The following KDM6A variants were observed in gnomAD, a reference collection of about 807,000 sequenced individuals.
KDM6A encodes the protein lysine-specific demethylase 6A.
KDM6A carries 11 observed loss-of-function variants against 117.6 expected under a neutral mutation model. That is an observed-to-expected ratio of 0.09 (90% CI 0.06 to 0.15). The LOEUF is 0.15. Ranked by LOEUF, KDM6A falls within the 10% of genes least tolerant of loss-of-function variation. The probability of loss-of-function intolerance (pLI) is 1.00; values close to 1 mark genes in which losing one functional copy is unlikely to be tolerated. For missense variants in KDM6A, 799 were observed against 1,077.3 expected, an observed-to-expected ratio of 0.74 and a Z score of 3.62; for synonymous variants, 384 against 396.1, an observed-to-expected ratio of 0.97 and a Z score of 0.36.
chrX:44,898,398 G>A (rs1421971004), intron 2 of KDM6A, among the ~76,000 whole-genome samples: 2 of 111,761 alleles, frequency 1.8e-5, no homozygotes, highest in Admixed American at 1.9e-4. Context: ...TGATACCAGG[G>A]GTTGGGGCAG....
At chrX:45,005,885 C>T (rs549379293) in intron 4 of KDM6A, among the ~76,000 whole-genome samples, 9 of 105,874 alleles carry the variant, frequency 8.5e-5, no homozygotes, top group African/African-American at 2.4e-4. Flanking sequence ...AAGTTCAGTC[C>T]CCTCCAATGG....
At chrX:45,003,775 C>T (rs899699416) in intron 4 of KDM6A, among the ~76,000 whole-genome samples, 4 of 108,803 alleles carry the variant, frequency 3.7e-5, no homozygotes, top group Admixed American at 9.8e-5. Context: ...CTTCCTCTCT[C>T]TGTCTCTCTT....
In KDM6A at chrX:44,873,475, G is replaced by A. The variant is rs2146439270; in HGVS notation, c.-77G>A. On this transcript the variant is annotated 5_prime_UTR_variant, in exon 1 of 30. Transcript: ENST00000611820. ...TAAAGTTGGTGTGCTGGTCCCGCGCGCAGATTGGGGGCGTCACTGCGGGCC... is the reference window on the plus strand; with the variant it reads ...TAAAGTTGGTGTGCTGGTCCCGCGCACAGATTGGGGGCGTCACTGCGGGCC... 8.5e-7 allele frequency: 1 copy of A among 1,173,609 alleles called. No homozygotes were observed. Among genetic ancestry groups the A allele is most frequent in the Non-Finnish European group, 1.2e-6 (1 of 864,185 alleles).
intron 4 of KDM6A, among the ~76,000 whole-genome samples, chrX:44,984,839 A>G (rs1179664622): frequency 4.5e-5 from 5 of 111,339 alleles, no homozygotes; most frequent in Non-Finnish European, 7.5e-5. Flanking sequence ...TTGAAGCCAG[A>G]TAGTGTGATG....
At chrX:45,006,018 C>T (rs1314103926) in intron 4 of KDM6A, among the ~76,000 whole-genome samples, 2 of 83,244 alleles carry the variant, frequency 2.4e-5, no homozygotes, top group East Asian at 8.7e-4. Flanking sequence ...CACCCACCAC[C>T]CGGCTTTCTT....
At chrX:45,090,887 G>T in intron 27 of KDM6A, 23 bp downstream of exon 27, 3 of 1,202,404 alleles carry the variant, frequency 2.5e-6, no homozygotes, top group Non-Finnish European at 3.4e-6. Flanking sequence ...TAAAACTGCT[G>T]TAGTCCCTCT....
intron 27 of KDM6A, among the ~76,000 whole-genome samples, chrX:45,093,610 G>A (rs1320533132): frequency 9.1e-6 from 1 of 110,485 alleles, no homozygotes; most frequent in East Asian, 2.9e-4. Flanking sequence ...GGTTGAGTGA[G>A]AGGGAAAAAG....
chrX:45,010,359 A>T lies in KDM6A; in HGVS notation c.385-602A>T, dbSNP rs139140352. Among the ~76,000 whole-genome samples, 571 of 110,240 alleles carry T rather than the reference A, an allele frequency of 5.2e-3. 9 individuals carry two copies. Among genetic ancestry groups the T allele is most frequent in the African/African-American group, 0.016 (475 of 30,318 alleles). On this transcript the variant is annotated intron_variant, in intron 4 of 29. Transcript: ENST00000611820. ...GAAAAAAAATCATGGAGTTATATAAATATAAATTATATAAATAGCTGGATC... is the reference window on the plus strand; with the variant it reads ...GAAAAAAAATCATGGAGTTATATAATTATAAATTATATAAATAGCTGGATC...
chrX:44,942,405 C>T (rs2037385893), intron 2 of KDM6A, among the ~76,000 whole-genome samples: 1 of 110,483 alleles, frequency 9.1e-6, no homozygotes, highest in African/African-American at 3.3e-5. Flanking sequence ...GGGTCAGTTT[C>T]TGGGTTCTCT....
chrX:44,890,642 C>CT (rs761568154), intron 2 of KDM6A, among the ~76,000 whole-genome samples: 3,906 of 34,746 alleles, frequency 0.11, 1,543 homozygotes, highest in East Asian at 0.24. Flanking sequence ...TGATGTTGAA[C>CT]TTTTTTTTTT....
At chrX:45,005,475 A>G (rs948731897) in intron 4 of KDM6A, among the ~76,000 whole-genome samples, 4 of 111,658 alleles carry the variant, frequency 3.6e-5, no homozygotes, top group African/African-American at 1.3e-4. Context: ...TTCTTCTGAG[A>G]CACTCGACTT....
At chrX:44,944,241 A>G (rs942222649) in intron 2 of KDM6A, among the ~76,000 whole-genome samples, 1 of 110,520 alleles carries the variant, frequency 9.0e-6, no homozygotes, top group Non-Finnish European at 1.9e-5. Flanking sequence ...AATTCCAGCT[A>G]CTTGGGAGGC....
At chrX:45,103,253 A>G (rs752574067) in intron 27 of KDM6A, among the ~76,000 whole-genome samples, 1 of 111,105 alleles carries the variant, frequency 9.0e-6, no homozygotes, top group African/African-American at 3.3e-5. Context: ...ACGTCATGCG[A>G]AGATTAAAAT....
At chrX:44,912,594 A>G (rs908118280) in intron 2 of KDM6A, among the ~76,000 whole-genome samples, 1 of 112,182 alleles carries the variant, frequency 8.9e-6, no homozygotes, top group Non-Finnish European at 1.9e-5. Flanking sequence ...CATGAATTGC[A>G]TATCATTGGA....
chrX:45,045,141 TTG>T (rs1232570480), intron 8 of KDM6A, among the ~76,000 whole-genome samples: 2 of 111,917 alleles, frequency 1.8e-5, no homozygotes, highest in African/African-American at 6.5e-5. Flanking sequence ...ATTTGTATTG[TTG>T]TGAATCTGTC....
chrX:44,937,040 T>A (rs767724310), intron 2 of KDM6A, among the ~76,000 whole-genome samples: 17 of 111,519 alleles, frequency 1.5e-4, no homozygotes, highest in African/African-American at 5.2e-4. Flanking sequence ...TTACTATAGA[T>A]TGCATTAGAA....
chrX:44,986,195 G>A (rs896465249), intron 4 of KDM6A, among the ~76,000 whole-genome samples: 1 of 111,875 alleles, frequency 8.9e-6, no homozygotes, highest in African/African-American at 3.3e-5. Context: ...GTTTATTTGT[G>A]TAGAGGTGTT....
At chrX:44,949,212 G>A (rs1335540589) in intron 2 of KDM6A, among the ~76,000 whole-genome samples, 1 of 110,551 alleles carries the variant, frequency 9.0e-6, no homozygotes, top group African/African-American at 3.3e-5. Context: ...GGTGTACGTG[G>A]CGAAACCTTG....
intron 4 of KDM6A, among the ~76,000 whole-genome samples, chrX:44,989,111 G>A (rs945096452): frequency 8.5e-5 from 9 of 105,744 alleles, no homozygotes; most frequent in Non-Finnish European, 1.4e-4. Context: ...CAATGGGGGC[G>A]CCCCTCCCCA....
Sources: allele counts gnomAD v4.1 joint callset (sites outside exome capture counted in the v4.1 genomes callset), GRCh38; gene constraint gnomAD v4.1.1; transcripts MANE v1.5; gene names NCBI Gene and HGNC (gene_info 2026-07-23, HGNC 2026-07-21).